PADI2: variants seen among roughly 807,000 people sequenced by gnomAD.
PADI2 encodes the protein protein-arginine deiminase type-2.
PADI2 carries 70 observed loss-of-function variants against 81.1 expected under a neutral mutation model. The ratio of observed to expected loss-of-function variants is 0.86; its 90% CI spans 0.71 to 1.05. The LOEUF (loss-of-function observed/expected upper bound fraction) is 1.05. Ranked by LOEUF, PADI2 falls within the 50% of genes least tolerant of loss-of-function variation. PADI2 has a pLI of 0.00. For synonymous variants in PADI2, 338 were observed against 358.0 expected, an observed-to-expected ratio of 0.94 and a Z score of 0.63; for missense variants, 853 against 889.9, an observed-to-expected ratio of 0.96 and a Z score of 0.53.
intron 6 of PADI2, among the ~76,000 whole-genome samples, chr1:17,090,581 TTGTGTGTGTGTGTG>T (rs3036949): frequency 4.6e-4 from 65 of 142,852 alleles, no homozygotes; most frequent in Admixed American, 1.3e-3. Flanking sequence ...CGTCCTTTGC[TTGTGTGTGTGTGTG>T]TGTGTGTGTG....
At chr1:17,072,433 A>C (rs573854913) in intron 13 of PADI2, among the ~76,000 whole-genome samples, 1 of 152,184 alleles carries the variant, frequency 6.6e-6, no homozygotes, top group Non-Finnish European at 1.5e-5. Flanking sequence ...GATTGATATA[A>C]GCATTTTTCT....
intron 4 of PADI2, among the ~76,000 whole-genome samples, chr1:17,095,489 C>T (rs953554423): frequency 6.6e-5 from 10 of 152,078 alleles, no homozygotes; most frequent in Admixed American, 3.9e-4. Context: ...GGAGAGGGGC[C>T]GTGCATGCAC....
At chr1:17,085,153 C>T (rs1048575034) in intron 7 of PADI2, among the ~76,000 whole-genome samples, 2 of 152,212 alleles carry the variant, frequency 1.3e-5, no homozygotes, top group Admixed American at 6.5e-5. Context: ...GGCACCTTGC[C>T]GTTTTCTGTA....
chr1:17,084,220 G>A (rs1473070136), intron 8 of PADI2, among the ~76,000 whole-genome samples: 1 of 152,154 alleles, frequency 6.6e-6, no homozygotes, highest in Non-Finnish European at 1.5e-5. Flanking sequence ...TTTTCCCTTG[G>A]TTCTCATCTT....
rs1007206295 is a variant in PADI2 at position 17,115,393 on chromosome 1, A to T, written c.92+3887T>A. ...AGCTCCTGCAGACCTCAGGATCTGG[A>T]TCCTGGCTCCTGTACACCAGGGAGG... is the stretch of plus-strand genomic sequence containing the variant. On this transcript the variant is annotated intron_variant, in intron 1 of 15. Transcript: ENST00000375486. The surrounding 1 kb of genome is among the most constrained non-coding windows in gnomAD (Gnocchi z 4.1). Among the ~76,000 whole-genome samples the T allele has an allele frequency of 6.6e-6, 1 of 152,164 alleles. No individual in the cohort carries two copies. Among genetic ancestry groups the T allele is most frequent in the African/African-American group, 2.4e-5 (1 of 41,426 alleles).
In PADI2 at chr1:17,069,002, G is replaced by A. The variant is rs1402962719; in HGVS notation, c.*42C>T. ...CTCTGGGCGTGTGAGGGAGGGTCTGGAGAACTAAGCGAAGGAGGCAAACGC... is the reference window on the plus strand; with the variant it reads ...CTCTGGGCGTGTGAGGGAGGGTCTGAAGAACTAAGCGAAGGAGGCAAACGC... On this transcript the variant is annotated 3_prime_UTR_variant, in exon 16 of 16. Transcript: ENST00000375486. 7.0e-7 allele frequency: 1 copy of A among 1,427,652 alleles called. No individual in the cohort carries two copies. Among genetic ancestry groups the A allele is most frequent in the Admixed American group, 1.7e-5 (1 of 59,732 alleles). The allele number at this position is 1,427,652 out of a possible 1,614,324, so 88.4% of individuals were successfully genotyped here. A position where few individuals can be genotyped will look rare whatever the true frequency, so the allele number is the denominator to read the frequency against.
At chr1:17,099,110 A>C (rs892662953) in intron 3 of PADI2, among the ~76,000 whole-genome samples, 1 of 152,170 alleles carries the variant, frequency 6.6e-6, no homozygotes, top group African/African-American at 2.4e-5. Context: ...CTGCCCTGAG[A>C]ATGAAGACAC....
At position 17,075,818 on chromosome 1, in the gene PADI2, C is replaced by T. The variant is rs749374049; in HGVS notation, c.1316G>A (p.Gly439Asp). ...ILIGSSFPLS[G>D]GRRMTKVVRD... ...CACCACCTTGGTCATCCTCCGACCACCAGACCTGGAGAAGGGAGGAAGAGG... is the reference window on the plus strand; with the variant it reads ...CACCACCTTGGTCATCCTCCGACCATCAGACCTGGAGAAGGGAGGAAGAGG... Residue 439 changes from glycine (G) to aspartate (D), a missense_variant, in exon 12 of 16, where the codon GGT becomes GAT. Gly to Asp is a moderately conservative substitution (Grantham distance 94). Coordinates refer to ENST00000375486, the MANE Select transcript of PADI2 (RefSeq NM_007365.3). The T allele has an allele frequency of 1.2e-6, 2 of 1,613,556 alleles. No individual in the cohort carries two copies. Among genetic ancestry groups the T allele is most frequent in the Non-Finnish European group, 1.7e-6 (2 of 1,179,772 alleles).
chr1:17,106,828 G>T (rs551343451), intron 1 of PADI2, among the ~76,000 whole-genome samples: 4 of 152,092 alleles, frequency 2.6e-5, no homozygotes, highest in African/African-American at 7.2e-5. Context: ...TAGGTAGATA[G>T]AGATCTCTCT....
rs2078265114 is a variant in PADI2 at position 17,071,596 on chromosome 1, C to A, written c.1550-105G>T. The A allele has an allele frequency of 4.6e-6, 4 of 865,862 alleles. No individual in the cohort carries two copies. In the East Asian group the frequency reaches 7.8e-5, roughly 17 times the overall value. 53.6% of individuals were successfully genotyped at this position (865,862 alleles called of 1,614,324 possible). A position where few individuals can be genotyped will look rare whatever the true frequency, so the allele number is the denominator to read the frequency against. ...GCCTGGGCTAACTGCTGGACTGGGACTGGGGAGATGGGACTGGGGAGAGGC... is the reference window on the plus strand; with the variant it reads ...GCCTGGGCTAACTGCTGGACTGGGAATGGGGAGATGGGACTGGGGAGAGGC... On this transcript the variant is annotated intron_variant, in intron 13 of 15. Transcript: ENST00000375486.
intron 1 of PADI2, among the ~76,000 whole-genome samples, chr1:17,116,152 C>T (rs562946627): frequency 1.5e-3 from 226 of 152,350 alleles, no homozygotes; most frequent in African/African-American, 5.2e-3. Context: ...AGAAGTGAAG[C>T]GATTTGCTCA....
intron 14 of PADI2, among the ~76,000 whole-genome samples, chr1:17,070,981 T>C (rs1222643304): frequency 6.6e-6 from 1 of 152,200 alleles, no homozygotes; most frequent in African/African-American, 2.4e-5. Flanking sequence ...ATTTATTTTT[T>C]TTGTAGAGAC....
intron 6 of PADI2, among the ~76,000 whole-genome samples, chr1:17,090,758 T>C (rs2014725): frequency 0.55 from 83,625 of 151,648 alleles, 23,599 homozygotes; most frequent in Non-Finnish European, 0.63. Flanking sequence ...CTCAAAGCCC[T>C]TGTGGTAGTA....
At chr1:17,071,601 G>A (rs530910061) in intron 13 of PADI2, 110 bp from the exon 14 acceptor site, 11 of 826,902 alleles carry the variant, frequency 1.3e-5, no homozygotes, top group Middle Eastern at 2.6e-4. Flanking sequence ...TGGGACTGGG[G>A]AGATGGGACT....
intron 7 of PADI2, among the ~76,000 whole-genome samples, chr1:17,085,918 T>C (rs895767210): frequency 3.9e-5 from 6 of 152,216 alleles, no homozygotes; most frequent in Non-Finnish European, 7.3e-5. Context: ...GTCTTTGTGA[T>C]AGAGATTCTT....
intron 3 of PADI2, 29 bp from the exon 4 acceptor site, chr1:17,095,999 T>C: frequency 6.3e-7 from 1 of 1,585,552 alleles, no homozygotes; most frequent in Non-Finnish European, 8.6e-7. Flanking sequence ...GGTGAGTTGC[T>C]GAGCCTGCCA....
In PADI2 at chr1:17,079,303, T is replaced by C. The variant is rs775341155; in HGVS notation, c.1271A>G (p.Tyr424Cys). The change falls in exon 11 of 16, where the codon TAC becomes TGC. Residue 424 changes from tyrosine to cysteine, a missense_variant. Tyr to Cys is a radical substitution (Grantham distance 194). Coordinates refer to ENST00000375486, the MANE Select transcript of PADI2 (RefSeq NM_007365.3). Reference sequence around the variant, plus strand: ...CCCGATGAGGATGCGGCCAAGCGGGTATGTCTTGCCGTTCACGGTCACTGG... The same window carrying C: ...CCCGATGAGGATGCGGCCAAGCGGGCATGTCTTGCCGTTCACGGTCACTGG... ...SPPVTVNGKTYPLGRILIGSS... is the reference protein window; with the variant it reads ...SPPVTVNGKTCPLGRILIGSS... 1.9e-6 allele frequency: 3 copies of C among 1,613,880 alleles called. No homozygotes were observed. The African/African-American group carries it at 4.0e-5, about 22-fold the overall frequency.
At chr1:17,080,085 C>A (rs2647195) in intron 10 of PADI2, among the ~76,000 whole-genome samples, 1 of 151,888 alleles carries the variant, frequency 6.6e-6, no homozygotes, top group Non-Finnish European at 1.5e-5. Context: ...GCCACTGCGC[C>A]CAGCCCGTTT....
At chr1:17,118,443 CA>C (rs1254994192) in intron 1 of PADI2, among the ~76,000 whole-genome samples, 2 of 152,112 alleles carry the variant, frequency 1.3e-5, no homozygotes, top group Non-Finnish European at 2.9e-5. Context: ...TCCCATTACT[CA>C]GGGAGACAGA....
Sources: gnomAD v4.1 joint callset for allele counts (sites outside exome capture counted in the v4.1 genomes callset) on GRCh38, gnomAD v4.1.1 for gene constraint, Gnocchi (gnomAD v3.1) non-coding constraint, MANE v1.5 for transcripts, NCBI Gene and HGNC (gene_info 2026-07-23, HGNC 2026-07-21) for gene names.